TBC1D5: variants seen among roughly 807,000 people sequenced by gnomAD.
TBC1D5 encodes TBC1 domain family, member 5.
In TBC1D5, 75 loss-of-function variants were observed where a neutral mutation model predicts 100.3. The ratio of observed to expected loss-of-function variants is 0.75; its 90% CI spans 0.62 to 0.91. The LOEUF (loss-of-function observed/expected upper bound fraction) is 0.91. TBC1D5 is among the 40% of genes least tolerant of loss of function. TBC1D5 has a pLI of 0.00. For missense variants in TBC1D5, 910 were observed against 942.4 expected (o/e 0.97, Z 0.45); for synonymous variants, 323 against 325.6 (o/e 0.99, Z 0.09).
Position 17,166,817 on chromosome 3 carries a change from G to A in TBC1D5, c.2044C>T (p.Gln682Ter), listed in dbSNP as rs771737097. 14 of 1,614,210 alleles carry A rather than the reference G, an allele frequency of 8.7e-6. No homozygotes were observed. Among genetic ancestry groups the A allele is most frequent in the Non-Finnish European group, 1.2e-5 (14 of 1,180,012 alleles). ...ACGCTCTGGCCTTGGCCTCGGCCCT[G>A]GCCCTGGCCGCTGGAGCAGTAGTGG... The change falls in exon 21 of 22, where the codon CAG (glutamine) becomes TAG (stop). Residue 682 changes from glutamine (Q) to a stop codon, truncating the protein, a stop_gained. Transcript: ENST00000253692. LOFTEE classifies it low-confidence loss of function (END_TRUNC).
chr3:17,419,389 T>C (rs1280918590), intron 4 of TBC1D5, among the ~76,000 whole-genome samples: 1 of 152,206 alleles, frequency 6.6e-6, no homozygotes, highest in Non-Finnish European at 1.5e-5. Context: ...TGGATATGCC[T>C]ATGGTTCCCA....
At chr3:17,314,549 T>C (rs2084434236) in intron 13 of TBC1D5, among the ~76,000 whole-genome samples, 1 of 152,104 alleles carries the variant, frequency 6.6e-6, no homozygotes, top group Non-Finnish European at 1.5e-5. Flanking sequence ...GAGTGTATGG[T>C]CTCCTAGGAC....
chr3:17,468,461 T>C (rs2095334955), intron 3 of TBC1D5, among the ~76,000 whole-genome samples: 1 of 152,228 alleles, frequency 6.6e-6, no homozygotes, highest in Admixed American at 6.5e-5. Context: ...TCAATCCCCT[T>C]AAATTGCAAT....
intron 18 of TBC1D5, among the ~76,000 whole-genome samples, chr3:17,187,577 T>C (rs1240975210): frequency 2.0e-5 from 3 of 152,118 alleles, no homozygotes; most frequent in African/African-American, 7.2e-5. Context: ...ATGATGGGAG[T>C]ACTAGATTTT....
At chr3:17,481,367 T>C (rs2095499780) in intron 3 of TBC1D5, among the ~76,000 whole-genome samples, 2 of 152,134 alleles carry the variant, frequency 1.3e-5, no homozygotes, top group Admixed American at 1.3e-4. Flanking sequence ...CCAAGCCAAG[T>C]GGATGGAACA....
At chr3:17,636,158 G>A (rs760756743) in intron 1 of TBC1D5, among the ~76,000 whole-genome samples, 3 of 152,026 alleles carry the variant, frequency 2.0e-5, no homozygotes, top group Non-Finnish European at 4.4e-5. Flanking sequence ...CTGTACTCTA[G>A]CCTGGGTGAT....
At chr3:17,490,736 G>C (rs1202413491) in intron 3 of TBC1D5, among the ~76,000 whole-genome samples, 2 of 152,286 alleles carry the variant, frequency 1.3e-5, no homozygotes, top group Middle Eastern at 3.4e-3. Flanking sequence ...ATAGTTTGAA[G>C]TCGGGTAGCA....
At chr3:17,428,961 A>T (rs73040848) in intron 3 of TBC1D5, among the ~76,000 whole-genome samples, 3,298 of 152,070 alleles carry the variant, frequency 0.022, 61 homozygotes, top group Non-Finnish European at 0.034. Context: ...GGAATTTAGT[A>T]AACAGAGGTA....
chr3:17,206,710 T>G (rs1218199371), intron 18 of TBC1D5, among the ~76,000 whole-genome samples: 1 of 152,186 alleles, frequency 6.6e-6, no homozygotes, highest in Non-Finnish European at 1.5e-5. Flanking sequence ...TCCTGTTTTA[T>G]GCAGAGACTT....
intron 2 of TBC1D5, among the ~76,000 whole-genome samples, chr3:17,583,555 G>A (rs995988868): frequency 4.6e-5 from 7 of 152,026 alleles, no homozygotes; most frequent in South Asian, 2.1e-4. Flanking sequence ...GAAAAACCCC[G>A]TCTCTACTAA....
At chr3:17,254,760 C>T (rs1165886152) in intron 16 of TBC1D5, among the ~76,000 whole-genome samples, 3 of 28,794 alleles carry the variant, frequency 1.0e-4, no homozygotes, top group Admixed American at 5.4e-4. Flanking sequence ...TTTACCGTGG[C>T]GGGGGTGGGG....
chr3:17,389,113 T>C (rs2093269576), intron 8 of TBC1D5, among the ~76,000 whole-genome samples: 1 of 152,248 alleles, frequency 6.6e-6, no homozygotes, highest in East Asian at 1.9e-4. Flanking sequence ...TCTTGTAATG[T>C]ATTTGTTAAA....
intron 2 of TBC1D5, among the ~76,000 whole-genome samples, chr3:17,518,173 G>A (rs1034262705): frequency 6.6e-6 from 1 of 152,102 alleles, no homozygotes; most frequent in Non-Finnish European, 1.5e-5. Flanking sequence ...AGCAGAAAAG[G>A]GTGGGTCCCC....
intron 13 of TBC1D5, among the ~76,000 whole-genome samples, chr3:17,324,409 C>T (rs1048995317): frequency 7.2e-5 from 11 of 152,120 alleles, no homozygotes; most frequent in Middle Eastern, 3.2e-3. Context: ...TGGGAGGCCG[C>T]GGCAGGCGGA....
chr3:17,704,995 C>A (rs1384293480), intron 1 of TBC1D5, among the ~76,000 whole-genome samples: 1 of 108,804 alleles, frequency 9.2e-6, no homozygotes, highest in Admixed American at 8.4e-5. Context: ...GCTGGCCGGG[C>A]GGAGGGCTGA....
upstream of TBC1D5, chr3:17,742,534 CCCT>C (rs1222753751): frequency 6.5e-6 from 1 of 152,744 alleles, no homozygotes; most frequent in East Asian, 1.9e-4. Flanking sequence ...CCTCCTCCTC[CCCT>C]CCTCTTTCTC....
At chr3:17,686,388 G>T (rs765423698) in intron 1 of TBC1D5, among the ~76,000 whole-genome samples, 1 of 152,070 alleles carries the variant, frequency 6.6e-6, no homozygotes, top group Non-Finnish European at 1.5e-5. Context: ...CTTTGTGATA[G>T]GTTTTTGACA....
At chr3:17,559,651 G>T (rs922369620) in intron 2 of TBC1D5, among the ~76,000 whole-genome samples, 1 of 150,870 alleles carries the variant, frequency 6.6e-6, no homozygotes, top group African/African-American at 2.4e-5. Flanking sequence ...GTGCAACGGC[G>T]CGATCTCGGC....
At chr3:17,458,088 A>G (rs528727308) in intron 3 of TBC1D5, among the ~76,000 whole-genome samples, 1 of 152,366 alleles carries the variant, frequency 6.6e-6, no homozygotes, top group East Asian at 1.9e-4. Context: ...ACAGCAGAGT[A>G]AGAAACGGAG....
Sources: gnomAD v4.1 joint callset for allele counts (sites outside exome capture counted in the v4.1 genomes callset) on GRCh38, gnomAD v4.1.1 for gene constraint, MANE v1.5 for transcripts, NCBI Gene and HGNC (gene_info 2026-07-23, HGNC 2026-07-21) for gene names.